The following GRK7 variants were observed in gnomAD, a reference collection of about 807,000 sequenced individuals.
GRK7 encodes the protein rhodopsin kinase GRK7.
GRK7 carries 24 observed loss-of-function variants against 34.1 expected under a neutral mutation model. The ratio of observed to expected loss-of-function variants is 0.70; its 90% CI spans 0.51 to 0.99. The LOEUF is 0.99. GRK7 is among the 50% of genes least tolerant of loss of function. GRK7 has a pLI of 0.00. For missense variants in GRK7, 644 were observed against 707.3 expected (o/e 0.91, Z 1.02); for synonymous variants, 256 against 279.4 (o/e 0.92, Z 0.84).
At chr3:141,804,920 C>CAT (rs1711011173) in intron 4 of GRK7, among the ~76,000 whole-genome samples, 1 of 151,380 alleles carries the variant, frequency 6.6e-6, no homozygotes, top group Non-Finnish European at 1.5e-5. Context: ...CTCACACACA[C>CAT]ATGCATACTC....
intron 4 of GRK7, among the ~76,000 whole-genome samples, chr3:141,803,725 T>A (rs186423935): frequency 8.2e-4 from 125 of 152,228 alleles, no homozygotes; most frequent in Middle Eastern, 3.4e-3. Context: ...TTTCTTCCCC[T>A]CTCTCCCCTC....
At chr3:141,758,742 G>A (rs1259130544), upstream of GRK7, among the ~76,000 whole-genome samples, 1 of 139,544 alleles carries the variant, frequency 7.2e-6, no homozygotes, top group Non-Finnish European at 1.6e-5. Context: ...AAATTACCTT[G>A]GGCAGTATGG....
At chr3:141,783,999 A>C (rs572584688) in intron 4 of GRK7, among the ~76,000 whole-genome samples, 1 of 152,306 alleles carries the variant, frequency 6.6e-6, no homozygotes, top group Admixed American at 6.5e-5. Flanking sequence ...TGTATTGTCC[A>C]TTGTGCTGAG....
intron 4 of GRK7, among the ~76,000 whole-genome samples, chr3:141,802,289 G>C (rs1054569357): frequency 6.6e-5 from 10 of 151,968 alleles, no homozygotes; most frequent in African/African-American, 2.4e-4. Context: ...GGAGGTGGAA[G>C]CTGCAGTTAG....
At position 141,811,753 on chromosome 3, in the gene GRK7, C is replaced by T. The variant is rs554967795; in HGVS notation, c.1325+3834C>T. On this transcript the variant is annotated intron_variant, in intron 5 of 5. Coordinates refer to ENST00000682958, the MANE Select transcript of GRK7 (RefSeq NM_139209.3). The stretch of plus-strand genomic sequence containing the variant: ...CAAGCCAAGGCAAATGCCTCGACAG[C>T]ATGTTACACAGCAGAGTTCAAATGC... 1.7e-4 allele frequency among the ~76,000 whole-genome samples: 26 copies of T among 152,288 alleles called. No homozygotes were observed. The South Asian group carries it at 5.2e-3, about 30-fold the overall frequency.
In GRK7 at chr3:141,765,456, A is replaced by G. The variant is rs2084576470; in HGVS notation, c.-497A>G. 6.6e-6 allele frequency among the ~76,000 whole-genome samples: 1 copy of G among 152,118 alleles called. No homozygotes were observed. The highest frequency in any genetic ancestry group is 1.5e-5 in the Non-Finnish European group (1 of 68,024). On this transcript the variant is annotated 5_prime_UTR_variant, in exon 1 of 6. Transcript: ENST00000682958. ...CTTACCACCATCTGTGGTGGGTTGG[A>G]AAACATGGCCACAGTATTTTACAGC... is the stretch of plus-strand genomic sequence containing the variant.
chr3:141,790,001 T>G (rs757859675), intron 4 of GRK7, among the ~76,000 whole-genome samples: 7 of 152,146 alleles, frequency 4.6e-5, no homozygotes, highest in African/African-American at 1.2e-4. Context: ...TAGCCTTATG[T>G]TTTTTTGTTT....
chr3:141,756,216 G>T, the GRK7 span, among the ~76,000 whole-genome samples: 1 of 151,790 alleles, frequency 6.6e-6, no homozygotes, highest in Admixed American at 6.6e-5. Context: ...GGAGGCTAAG[G>T]CAAGAGAATC....
intron 4 of GRK7, among the ~76,000 whole-genome samples, chr3:141,788,775 C>A (rs992913367): frequency 2.6e-5 from 4 of 152,154 alleles, no homozygotes; most frequent in Non-Finnish European, 5.9e-5. Context: ...GGCCTTAAGA[C>A]GTCTCTGCAA....
intron 5 of GRK7, 92 bp downstream of exon 5, chr3:141,808,011 TTAAG>T: frequency 8.6e-7 from 1 of 1,160,160 alleles, no homozygotes. Context: ...AGTCTTGGAA[TTAAG>T]TATTATGATT....
At chr3:141,754,811 T>G in the GRK7 span, among the ~76,000 whole-genome samples, 1 of 152,212 alleles carries the variant, frequency 6.6e-6, no homozygotes, top group Non-Finnish European at 1.5e-5. Context: ...ACATATACTT[T>G]CTTTTCAGAG....
At chr3:141,804,957 A>G (rs920809040) in intron 4 of GRK7, among the ~76,000 whole-genome samples, 1 of 150,262 alleles carries the variant, frequency 6.7e-6, no homozygotes, top group African/African-American at 2.5e-5. Flanking sequence ...ACACACATAC[A>G]CACCACACTC....
intron 2 of GRK7, among the ~76,000 whole-genome samples, chr3:141,776,379 G>A (rs2107875360): frequency 6.6e-6 from 1 of 152,290 alleles, no homozygotes; most frequent in South Asian, 2.1e-4. Context: ...TACCTTGCTA[G>A]GCTGCCACTA....
intron 4 of GRK7, among the ~76,000 whole-genome samples, chr3:141,802,366 T>TCTCACACACA (rs1553737502): frequency 6.9e-6 from 1 of 145,574 alleles, no homozygotes. Flanking sequence ...TCTTTCTCTG[T>TCTCACACACA]CACACACACA....
intron 4 of GRK7, among the ~76,000 whole-genome samples, chr3:141,789,656 C>CAAAAAAAAAAAA (rs60765509): frequency 6.0e-4 from 71 of 119,072 alleles, no homozygotes; most frequent in African/African-American, 1.1e-3. Flanking sequence ...GCCAAATGGG[C>CAAAAAAAAAAAA]AAAAAAAAAA....
At position 141,778,331 on chromosome 3, in the gene GRK7, A is replaced by G. The variant is rs199734533; in HGVS notation, c.47A>G (p.Tyr16Cys). Residue 16 changes from tyrosine to cysteine, a missense_variant, in exon 3 of 6, where the codon TAC (tyrosine) becomes TGC (cysteine). Coordinates refer to ENST00000682958, the MANE Select transcript of GRK7 (RefSeq NM_139209.3). This position sits in a 1 kb window ranked among gnomAD's most constrained non-coding sequence, Gnocchi z 4.1. ...ALDNLIANTA[Y>C]LQARKPSDCD... ...GACAACCTGATCGCCAACACCGCCT[A>G]CCTGCAGGCCCGGAAGCCCTCGGAC... is the stretch of plus-strand genomic sequence containing the variant. 19 of 1,602,248 alleles carry G rather than the reference A, an allele frequency of 1.2e-5. No homozygotes were observed. The African/African-American group carries it at 2.5e-4, about 21-fold the overall frequency.
intron 4 of GRK7, among the ~76,000 whole-genome samples, chr3:141,784,287 C>T (rs1214672064): frequency 1.3e-5 from 2 of 152,198 alleles, no homozygotes; most frequent in South Asian, 2.1e-4. Flanking sequence ...TAGAGAGGCT[C>T]ACTGCCTACA....
chr3:141,807,831 A>G lies in GRK7; in HGVS notation c.1237A>G (p.Lys413Glu). Residue 413 changes from lysine to glutamate, a missense_variant, in exon 5 of 6, where the codon AAA (lysine) becomes GAA (glutamate). By Grantham distance (56) the Lys-to-Glu change is moderately conservative. Transcript: ENST00000682958. ...GCAAAGAACTCTGCAAGACGAGGTC[A>G]AATTCCAGCATGATAACTTCACAGA... Reference protein sequence around the residue: ...LKQRTLQDEVKFQHDNFTEEA... With the variant: ...LKQRTLQDEVEFQHDNFTEEA... 1 of 1,614,072 alleles carries G rather than the reference A, an allele frequency of 6.2e-7. No individual in the cohort carries two copies. Among genetic ancestry groups the G allele is most frequent in the Non-Finnish European group, 8.5e-7 (1 of 1,179,922 alleles).
the GRK7 span, among the ~76,000 whole-genome samples, chr3:141,750,887 C>T: frequency 6.6e-6 from 1 of 151,604 alleles, no homozygotes; most frequent in Non-Finnish European, 1.5e-5. Flanking sequence ...GAGAAAACTG[C>T]TCAAGGGAGT....
Sources: allele counts gnomAD v4.1 joint callset (sites outside exome capture counted in the v4.1 genomes callset), GRCh38; gene constraint gnomAD v4.1.1; non-coding constraint Gnocchi (gnomAD v3.1); transcripts MANE v1.5; gene names NCBI Gene and HGNC (gene_info 2026-07-23, HGNC 2026-07-21).